VSTM4: variants seen among roughly 807,000 people sequenced by gnomAD.
The protein encoded by VSTM4 is V-set and transmembrane domain containing 4.
A neutral mutation model predicts 36.4 loss-of-function variants in VSTM4; 20 were observed. The ratio of observed to expected loss-of-function variants is 0.55; its 90% CI spans 0.39 to 0.80. The LOEUF is 0.80. VSTM4 is among the 30% of genes least tolerant of loss of function. VSTM4 has a pLI of 0.00. For synonymous variants in VSTM4, 182 were observed against 173.9 expected, an observed-to-expected ratio of 1.05 and a Z score of -0.37; for missense variants, 392 against 404.5, an observed-to-expected ratio of 0.97 and a Z score of 0.26.
intron 1 of VSTM4, among the ~76,000 whole-genome samples, chr10:49,112,225 C>G (rs896699484): frequency 6.6e-6 from 1 of 152,184 alleles, no homozygotes; most frequent in African/African-American, 2.4e-5. Flanking sequence ...AACAGAGGGA[C>G]AGGATTCCTG....
chr10:49,072,211 G>A (rs535803575), intron 4 of VSTM4, among the ~76,000 whole-genome samples: 163 of 152,252 alleles, frequency 1.1e-3, no homozygotes, highest in African/African-American at 3.6e-3. Flanking sequence ...CCTGACATGG[G>A]GGGATGTGCC....
chr10:49,108,009 G>A lies in VSTM4; in HGVS notation c.56-14C>T, dbSNP rs761770245. ...CCGCACAGACCTCTGCAGAGAAAAA[G>A]GGGAGAAGAGAGGATGAGGAGGGCC... On this transcript the variant is annotated splice_polypyrimidine_tract_variant and intron_variant, in intron 1 of 7. Transcript: ENST00000332853. The A allele has an allele frequency of 1.3e-6, 2 of 1,542,352 alleles. No individual in the cohort carries two copies. Among genetic ancestry groups the A allele is most frequent in the African/African-American group, 1.4e-5 (1 of 73,018 alleles).
intron 7 of VSTM4, among the ~76,000 whole-genome samples, chr10:49,038,072 T>C (rs890191357): frequency 6.6e-6 from 1 of 152,146 alleles, no homozygotes; most frequent in Admixed American, 6.5e-5. Flanking sequence ...AAACTAAAAA[T>C]GCCATTACCA....
intron 5 of VSTM4, among the ~76,000 whole-genome samples, chr10:49,060,633 G>T (rs1217908938): frequency 6.6e-6 from 1 of 152,098 alleles, no homozygotes; most frequent in Non-Finnish European, 1.5e-5. Flanking sequence ...TTGCAAATAT[G>T]GGGCTTACTT....
chr10:49,043,534 AT>A (rs1590081122), intron 7 of VSTM4, among the ~76,000 whole-genome samples: 1 of 152,244 alleles, frequency 6.6e-6, no homozygotes, highest in African/African-American at 2.4e-5. Context: ...GAAAAAGTTT[AT>A]GAATCTAGAA....
At position 49,068,859 on chromosome 10, in the gene VSTM4, G is replaced by T. The variant is rs978554512; in HGVS notation, c.635-4123C>A. ...CCCGTGGGCTGTGGCCTGGCACCAG[G>T]CACTTGACCTAGAAGCAACCGTCCT... On this transcript the variant is annotated intron_variant, in intron 4 of 7. Coordinates refer to ENST00000332853, the MANE Select transcript of VSTM4 (RefSeq NM_001031746.5). Among the ~76,000 whole-genome samples the T allele has an allele frequency of 3.3e-5, 5 of 152,268 alleles. No individual in the cohort carries two copies. In the East Asian group the frequency reaches 9.6e-4, roughly 29 times the overall value.
intron 2 of VSTM4, among the ~76,000 whole-genome samples, chr10:49,104,852 GAC>G (rs1447352326): frequency 2.0e-4 from 30 of 150,940 alleles, no homozygotes; most frequent in Admixed American, 2.0e-4. Context: ...GAGGGACAGA[GAC>G]ACACACGGAG....
chr10:49,069,139 TC>T (rs1253414445), intron 4 of VSTM4, among the ~76,000 whole-genome samples: 10 of 152,066 alleles, frequency 6.6e-5, no homozygotes, highest in Admixed American at 6.6e-4. Context: ...TCTAGACCTG[TC>T]CCTATCACCA....
intron 3 of VSTM4, among the ~76,000 whole-genome samples, chr10:49,081,216 G>A (rs1270272986): frequency 6.6e-6 from 1 of 152,210 alleles, no homozygotes; most frequent in Non-Finnish European, 1.5e-5. Context: ...AGCCCTTGCT[G>A]GCAGGAGAAG....
intron 5 of VSTM4, among the ~76,000 whole-genome samples, chr10:49,052,080 T>C (rs1431209288): frequency 6.6e-6 from 1 of 152,232 alleles, no homozygotes; most frequent in Non-Finnish European, 1.5e-5. Flanking sequence ...AATGTATTTG[T>C]GCATAATGGT....
At chr10:49,105,008 GAC>G (rs150604755) in intron 2 of VSTM4, among the ~76,000 whole-genome samples, 20 of 30,374 alleles carry the variant, frequency 6.6e-4, no homozygotes, top group African/African-American at 1.9e-3. Flanking sequence ...CAGAGAGAGA[GAC>G]AGAGAGATAC....
At chr10:49,065,360 G>A (rs912577477) in intron 4 of VSTM4, among the ~76,000 whole-genome samples, 6 of 152,180 alleles carry the variant, frequency 3.9e-5, no homozygotes, top group Non-Finnish European at 8.8e-5. Context: ...TGAATTGTGT[G>A]GTAGATTGTT....
chr10:49,031,830 C>T (rs1303256937), intron 7 of VSTM4, among the ~76,000 whole-genome samples: 1 of 152,092 alleles, frequency 6.6e-6, no homozygotes, highest in African/African-American at 2.4e-5. Flanking sequence ...TCCACACGTC[C>T]CTCTTGCTGA....
intron 7 of VSTM4, among the ~76,000 whole-genome samples, chr10:49,033,989 CCAT>C (rs929841610): frequency 1.3e-5 from 2 of 151,942 alleles, no homozygotes; most frequent in Non-Finnish European, 2.9e-5. Flanking sequence ...ATCATCATCA[CCAT>C]CATCACCATT....
chr10:49,055,571 T>C (rs772113845), intron 5 of VSTM4, among the ~76,000 whole-genome samples: 5 of 152,206 alleles, frequency 3.3e-5, no homozygotes, highest in Non-Finnish European at 4.4e-5. Flanking sequence ...TCAGCTGCCA[T>C]TGATAAAGGC....
At chr10:49,028,554 G>T (rs1025438233) in intron 7 of VSTM4, among the ~76,000 whole-genome samples, 2 of 152,324 alleles carry the variant, frequency 1.3e-5, no homozygotes, top group Non-Finnish European at 2.9e-5. Context: ...CACCTTTCTG[G>T]AAGATAACAC....
chr10:49,040,248 T>C (rs1466539423), intron 7 of VSTM4, among the ~76,000 whole-genome samples: 2 of 152,260 alleles, frequency 1.3e-5, no homozygotes, highest in Admixed American at 1.3e-4. Flanking sequence ...GCAGTTTTGA[T>C]ACCTTGATTT....
chr10:49,060,062 G>A (rs1377134949), intron 5 of VSTM4, among the ~76,000 whole-genome samples: 1 of 152,192 alleles, frequency 6.6e-6, no homozygotes, highest in African/African-American at 2.4e-5. Flanking sequence ...TTACTAAGTG[G>A]TACCTCACTG....
At chr10:49,092,950 G>T (rs887456474) in intron 2 of VSTM4, among the ~76,000 whole-genome samples, 1 of 152,144 alleles carries the variant, frequency 6.6e-6, no homozygotes. Context: ...AGTCAGAAGA[G>T]AGCTGGGGCC....
Sources: allele counts gnomAD v4.1 joint callset (sites outside exome capture counted in the v4.1 genomes callset), GRCh38; gene constraint gnomAD v4.1.1; transcripts MANE v1.5; gene names NCBI Gene and HGNC (gene_info 2026-07-23, HGNC 2026-07-21).